Variants in GRM8 observed in about 807,000 individuals in gnomAD.
GRM8 encodes glutamate metabotropic receptor 8.
GRM8 carries 47 observed loss-of-function variants against 87.2 expected under a neutral mutation model. The observed-to-expected ratio is 0.54, with a 90% CI of 0.43 to 0.69. The LOEUF (loss-of-function observed/expected upper bound fraction) is 0.69. Among genes scored for constraint, GRM8 ranks in the 30% least tolerant of loss-of-function variants. The pLI is 0.00. For missense variants in GRM8, 1,019 were observed against 1,139.2 expected, an observed-to-expected ratio of 0.89 and a Z score of 1.52; for synonymous variants, 396 against 404.5, an observed-to-expected ratio of 0.98 and a Z score of 0.25.
intron 6 of GRM8, among the ~76,000 whole-genome samples, chr7:126,850,486 C>T (rs1373614684): frequency 6.6e-6 from 1 of 152,140 alleles, no homozygotes; most frequent in African/African-American, 2.4e-5. Context: ...AGAACACATA[C>T]TCATACATAG....
intron 7 of GRM8, among the ~76,000 whole-genome samples, chr7:126,769,236 T>C (rs1818565648): frequency 6.6e-6 from 1 of 152,100 alleles, no homozygotes; most frequent in Non-Finnish European, 1.5e-5. Flanking sequence ...AGTTGGGCTA[T>C]TTTCAATCAA....
chr7:126,616,341 CAACAT>C (rs918808141), intron 7 of GRM8, among the ~76,000 whole-genome samples: 5 of 152,072 alleles, frequency 3.3e-5, no homozygotes, highest in Non-Finnish European at 5.9e-5. Context: ...AACAAAGACA[CAACAT>C]AACAGAATCT....
chr7:127,101,536 T>A (rs77317691), intron 3 of GRM8, among the ~76,000 whole-genome samples: 16 of 152,240 alleles, frequency 1.1e-4, no homozygotes, highest in East Asian at 9.7e-4. Flanking sequence ...TCTCCCCCAT[T>A]CCCAACTCTC....
At chr7:126,461,166 TG>T (rs1781151870) in intron 9 of GRM8, among the ~76,000 whole-genome samples, 1 of 151,524 alleles carries the variant, frequency 6.6e-6, no homozygotes, top group African/African-American at 2.4e-5. Flanking sequence ...CTTCTCTTAC[TG>T]AAGCCCTGTG....
intron 6 of GRM8, among the ~76,000 whole-genome samples, chr7:126,807,026 C>T (rs13438541): frequency 0.05 from 7,641 of 152,250 alleles, 622 homozygotes; most frequent in African/African-American, 0.17. Flanking sequence ...CGAGAGTGAG[C>T]GAGGGCTGCT....
chr7:126,999,460 G>A (rs1331347155), intron 3 of GRM8, among the ~76,000 whole-genome samples: 1 of 151,642 alleles, frequency 6.6e-6, no homozygotes. Flanking sequence ...ATAACCCACA[G>A]AATAGGAGAA....
intron 7 of GRM8, among the ~76,000 whole-genome samples, chr7:126,654,925 A>G (rs1251051199): frequency 3.9e-5 from 6 of 152,200 alleles, no homozygotes; most frequent in African/African-American, 1.4e-4. Context: ...AAAAATTACT[A>G]TGCCATTGAA....
intron 7 of GRM8, among the ~76,000 whole-genome samples, chr7:126,684,761 A>G (rs907553642): frequency 2.6e-5 from 4 of 152,212 alleles, no homozygotes; most frequent in Admixed American, 2.0e-4. Context: ...CTAGTTTAGG[A>G]GATGGGAGCC....
intron 8 of GRM8, among the ~76,000 whole-genome samples, chr7:126,573,250 A>T (rs918728300): frequency 1.3e-5 from 2 of 152,202 alleles, no homozygotes; most frequent in Admixed American, 1.3e-4. Context: ...AGAAAATTTT[A>T]TTATTCTCAC....
At chr7:126,715,044 C>T (rs1811569783) in intron 7 of GRM8, among the ~76,000 whole-genome samples, 1 of 152,108 alleles carries the variant, frequency 6.6e-6, no homozygotes, top group South Asian at 2.1e-4. Flanking sequence ...ATCAAGCAAG[C>T]CAACTTTTTC....
chr7:126,687,110 G>A (rs941129101), intron 7 of GRM8, among the ~76,000 whole-genome samples: 2 of 152,156 alleles, frequency 1.3e-5, no homozygotes, highest in Non-Finnish European at 2.9e-5. Flanking sequence ...CCACCACACA[G>A]GTCAGGAGAT....
chr7:126,512,684 A>G (rs1562903028), intron 9 of GRM8: 1 of 152,158 alleles, frequency 6.6e-6, no homozygotes, highest in African/African-American at 2.4e-5. Context: ...AAGCAAAATC[A>G]AAGAATAAGA....
chr7:127,114,953 TAGA>T (rs1261785059), intron 2 of GRM8, among the ~76,000 whole-genome samples: 3 of 152,044 alleles, frequency 2.0e-5, no homozygotes, highest in Admixed American at 2.0e-4. Flanking sequence ...AGCCACAACC[TAGA>T]AGGAGTCAGA....
chr7:126,511,526 TCCATTGAAGG>T (rs1264608427), intron 9 of GRM8: 1 of 152,050 alleles, frequency 6.6e-6, no homozygotes, highest in Non-Finnish European at 1.5e-5. Context: ...TGTCTTTTAT[TCCATTGAAGG>T]CAAGTTATCA....
chr7:126,442,013 A>G (rs1801524587), intron 10 of GRM8, among the ~76,000 whole-genome samples: 1 of 152,016 alleles, frequency 6.6e-6, no homozygotes, highest in Admixed American at 6.6e-5. Flanking sequence ...TGAAAAAAAA[A>G]AAATCATTGG....
At chr7:126,763,472 TACACAC>T (rs143608746) in intron 7 of GRM8, among the ~76,000 whole-genome samples, 15,620 of 77,652 alleles carry the variant, frequency 0.2, 1,449 homozygotes, top group Non-Finnish European at 0.26. Flanking sequence ...TATATATATA[TACACAC>T]ACACACACAC....
At chr7:126,993,775 A>C (rs939848384) in intron 3 of GRM8, among the ~76,000 whole-genome samples, 4 of 152,188 alleles carry the variant, frequency 2.6e-5, no homozygotes, top group African/African-American at 9.7e-5. Context: ...CCACACATGA[A>C]GGGAGCATTT....
At chr7:126,465,669 G>A (rs1804414428) in intron 9 of GRM8, among the ~76,000 whole-genome samples, 1 of 151,392 alleles carries the variant, frequency 6.6e-6, no homozygotes, top group East Asian at 1.9e-4. Flanking sequence ...TATATTCAGT[G>A]AACTTCTTAA....
At chr7:126,576,046 A>C (rs990594820) in intron 8 of GRM8, among the ~76,000 whole-genome samples, 1 of 152,182 alleles carries the variant, frequency 6.6e-6, no homozygotes, top group African/African-American at 2.4e-5. Context: ...AGCCCTTTCT[A>C]GTCTCTGAGC....
Sources: gnomAD v4.1 joint callset for allele counts (sites outside exome capture counted in the v4.1 genomes callset) on GRCh38, gnomAD v4.1.1 for gene constraint, MANE v1.5 for transcripts, NCBI Gene and HGNC (gene_info 2026-07-23, HGNC 2026-07-21) for gene names.